SDK2: variants seen among roughly 807,000 people sequenced by gnomAD.
SDK2 encodes the protein sidekick cell adhesion molecule 2.
A neutral mutation model predicts 253.9 loss-of-function variants in SDK2; 105 were observed. That is an observed-to-expected ratio of 0.41 (90% CI 0.35 to 0.49). SDK2 has a LOEUF of 0.49. Ranked by LOEUF, SDK2 falls within the 20% of genes least tolerant of loss-of-function variation. The pLI, the probability that SDK2 is intolerant of heterozygous loss-of-function variation, is 0.06. For missense variants in SDK2, 2,608 were observed against 3,003.0 expected (o/e 0.87, Z 3.07); for synonymous variants, 1,249 against 1,234.9 (o/e 1.01, Z -0.24).
chr17:73,555,433 C>T (rs530641100), intron 1 of SDK2, among the ~76,000 whole-genome samples: 24 of 152,310 alleles, frequency 1.6e-4, no homozygotes, highest in Non-Finnish European at 3.2e-4. Flanking sequence ...CCTTGGACTC[C>T]GCGCAGCTCA....
chr17:73,398,223 G>A, intron 23 of SDK2, 38 bp from the exon 24 acceptor site: 1 of 1,600,622 alleles, frequency 6.2e-7, no homozygotes. Flanking sequence ...GGTAAGGGCA[G>A]CTCACCCAAC....
intron 12 of SDK2, among the ~76,000 whole-genome samples, chr17:73,428,870 A>G (rs970118372): frequency 6.6e-6 from 1 of 152,038 alleles, no homozygotes; most frequent in African/African-American, 2.4e-5. Context: ...GCTCCCCAGA[A>G]TCATCCCTTT....
At chr17:73,416,023 CAG>C in intron 16 of SDK2, 31 bp from the exon 17 acceptor site, 1 of 1,590,386 alleles carries the variant, frequency 6.3e-7, no homozygotes, top group Non-Finnish European at 8.6e-7. Context: ...ACAGTGGAGT[CAG>C]AGTCAGCTTC....
At chr17:73,366,228 CT>C (rs2062684151) in intron 37 of SDK2, among the ~76,000 whole-genome samples, 1 of 152,198 alleles carries the variant, frequency 6.6e-6, no homozygotes, top group African/African-American at 2.4e-5. Context: ...CCTGCCTCCC[CT>C]GTGCTACAGG....
rs537705461 is a variant in SDK2, at chr17:73,534,870, T to C, written c.65-27273A>G. ...CTCCTTTGCATCTTCTAGGCCTCCT[T>C]GTGGGGATACTGGATACTCTGCGAT... On this transcript the variant is annotated intron_variant, in intron 1 of 44. Coordinates refer to ENST00000392650, the MANE Select transcript of SDK2 (RefSeq NM_001144952.2). The surrounding 1 kb of genome is among the most constrained non-coding windows in gnomAD (Gnocchi z 4.9). 2.0e-5 allele frequency among the ~76,000 whole-genome samples: 3 copies of C among 152,146 alleles called. No individual in the cohort carries two copies. The highest frequency in any genetic ancestry group is 1.3e-4 in the Admixed American group (2 of 15,286).
chr17:73,429,171 A>G (rs952875384), intron 12 of SDK2, among the ~76,000 whole-genome samples: 1 of 152,200 alleles, frequency 6.6e-6, no homozygotes, highest in Non-Finnish European at 1.5e-5. Flanking sequence ...CTATTAATGA[A>G]TGCTAAAAGT....
rs556875645 is a variant in SDK2, at chr17:73,489,455, C to T, written c.225-17237G>A. Among the ~76,000 whole-genome samples, 44 of 152,274 alleles carry T rather than the reference C, an allele frequency of 2.9e-4. No individual in the cohort carries two copies. The South Asian group carries it at 8.5e-3, about 29-fold the overall frequency. ...GAAGCATTAACTTGGAGGGGGGTAC[C>T]AGGCAGGGATTGGTGAGTTGTGATG... On this transcript the variant is annotated intron_variant, in intron 2 of 44. Coordinates refer to ENST00000392650, the MANE Select transcript of SDK2 (RefSeq NM_001144952.2).
chr17:73,502,059 C>T (rs1599626740), intron 2 of SDK2, among the ~76,000 whole-genome samples: 1 of 151,280 alleles, frequency 6.6e-6, no homozygotes, highest in African/African-American at 2.5e-5. Context: ...GAAGGGTGCA[C>T]AGGCTTGCCT....
chr17:73,545,257 C>T (rs371832274), intron 1 of SDK2, among the ~76,000 whole-genome samples: 1 of 152,106 alleles, frequency 6.6e-6, no homozygotes, highest in Non-Finnish European at 1.5e-5. Context: ...TGGACTCGCT[C>T]AACCCCGCCC....
chr17:73,404,106 A>C (rs998936857), intron 18 of SDK2, among the ~76,000 whole-genome samples: 5 of 152,204 alleles, frequency 3.3e-5, no homozygotes, highest in African/African-American at 1.2e-4. Flanking sequence ...CCTTACCCAC[A>C]AAAATGACCC....
chr17:73,368,885 G>A (rs1411643881), intron 36 of SDK2, among the ~76,000 whole-genome samples: 1 of 152,108 alleles, frequency 6.6e-6, no homozygotes, highest in Non-Finnish European at 1.5e-5. Context: ...GGTGGCAAGT[G>A]CCTGTAGTCC....
intron 1 of SDK2, among the ~76,000 whole-genome samples, chr17:73,542,982 G>C (rs564172743): frequency 6.6e-6 from 1 of 152,238 alleles, no homozygotes. Flanking sequence ...TCCTGGGATG[G>C]GGGCCACACA....
intron 44 of SDK2, among the ~76,000 whole-genome samples, chr17:73,342,345 C>T (rs1348839046): frequency 1.3e-5 from 2 of 152,188 alleles, no homozygotes; most frequent in African/African-American, 4.8e-5. Flanking sequence ...CCTTTCTGTG[C>T]CTACTGCCCA....
chr17:73,457,841 C>T (rs1450838347), intron 3 of SDK2, among the ~76,000 whole-genome samples: 1 of 152,198 alleles, frequency 6.6e-6, no homozygotes, highest in Non-Finnish European at 1.5e-5. Flanking sequence ...TTCTCAACTC[C>T]TCTAAGACCA....
chr17:73,394,182 C>G (rs750443165), intron 26 of SDK2, 27 bp downstream of exon 26: 1 of 1,437,032 alleles, frequency 7.0e-7, no homozygotes, highest in Non-Finnish European at 9.4e-7. Context: ...GTGTAGGGAC[C>G]CCACCTCCTG....
chr17:73,588,121 C>G (rs1329139510), intron 1 of SDK2, among the ~76,000 whole-genome samples: 1 of 151,734 alleles, frequency 6.6e-6, no homozygotes, highest in Non-Finnish European at 1.5e-5. Flanking sequence ...GCCTGTAATC[C>G]CAGCACTTTG....
At position 73,472,192 on chromosome 17, in the gene SDK2, G is replaced by T. The variant is rs2063656611; in HGVS notation, c.251C>A (p.Thr84Asn). The T allele has an allele frequency of 6.4e-7, 1 of 1,551,672 alleles. No individual in the cohort carries two copies. The highest frequency in any genetic ancestry group is 8.7e-7 in the Non-Finnish European group (1 of 1,146,948). ...YRYMITSLDR[T>N]HAGFYRCIVR... ...GATGCAACGGTAAAAGCCAGCGTGG[G>T]TGCGGTCCAGGCTGGTGATCATGTA... The change falls in exon 3 of 45, where the codon ACC becomes AAC. Residue 84 changes from threonine (T) to asparagine (N), a missense_variant. Physicochemically the swap from Thr to Asn is moderately conservative, Grantham distance 65. Coordinates refer to ENST00000392650, the MANE Select transcript of SDK2 (RefSeq NM_001144952.2).
chr17:73,368,377 C>T lies in SDK2; in HGVS notation c.5167+30G>A, dbSNP rs752017450. 40 of 1,448,582 alleles carry T rather than the reference C, an allele frequency of 2.8e-5. No individual in the cohort carries two copies. In the South Asian group the frequency reaches 5.3e-4, roughly 19 times the overall value. The allele number at this position is 1,448,582 out of a possible 1,614,324, so 89.7% of individuals were successfully genotyped here. A position where few individuals can be genotyped will look rare whatever the true frequency, so the allele number is the denominator to read the frequency against. On this transcript the variant is annotated intron_variant, in intron 37 of 44. Coordinates refer to ENST00000392650, the MANE Select transcript of SDK2 (RefSeq NM_001144952.2). ...TTGCAACCCCCCGTGGCCGACCTAC[C>T]CCTCCCCTCCTCAGGGCCCCCTCTC... is the stretch of plus-strand genomic sequence containing the variant.
chr17:73,624,082 C>T (rs1380217260), intron 1 of SDK2, among the ~76,000 whole-genome samples: 1 of 152,192 alleles, frequency 6.6e-6, no homozygotes, highest in African/African-American at 2.4e-5. Flanking sequence ...CTGGCTGGAG[C>T]AGGAGCAGGG....
Sources: gnomAD v4.1 joint callset for allele counts (sites outside exome capture counted in the v4.1 genomes callset) on GRCh38, gnomAD v4.1.1 for gene constraint, Gnocchi (gnomAD v3.1) non-coding constraint, MANE v1.5 for transcripts, NCBI Gene and HGNC (gene_info 2026-07-23, HGNC 2026-07-21) for gene names.